The following STPG1 variants were observed in gnomAD, a reference collection of about 807,000 sequenced individuals.
The protein encoded by STPG1 is sperm tail PG-rich repeat containing 1.
STPG1 carries 33 observed loss-of-function variants against 40.1 expected under a neutral mutation model. That is an observed-to-expected ratio of 0.82 (90% CI 0.62 to 1.10). The LOEUF (loss-of-function observed/expected upper bound fraction) is 1.10, where lower values mean the gene tolerates loss of function less well. Among genes scored for constraint, STPG1 ranks in the 50% least tolerant of loss-of-function variants. The probability of loss-of-function intolerance (pLI) is 0.00; values close to 1 mark genes in which losing one functional copy is unlikely to be tolerated. For synonymous variants in STPG1, 150 were observed against 155.0 expected (o/e 0.97, Z 0.24); for missense variants, 396 against 415.1 (o/e 0.95, Z 0.40).
chr1:24,369,656 A>T lies in STPG1; in HGVS notation c.737+18T>A. On this transcript the variant is annotated intron_variant, in intron 7 of 8. Transcript: ENST00000337248. ...ACAACCACCTTTCAAAAGAAAGACC[A>T]GAATGATTGGGACTCACGGGAAAAG... is the stretch of plus-strand genomic sequence containing the variant. 2 of 1,569,992 alleles carry T rather than the reference A, an allele frequency of 1.3e-6. No individual in the cohort carries two copies. Among genetic ancestry groups the T allele is most frequent in the South Asian group, 2.3e-5 (2 of 85,570 alleles).
intron 4 of STPG1, among the ~76,000 whole-genome samples, chr1:24,381,761 C>T (rs138335884): frequency 6.6e-6 from 1 of 152,174 alleles, no homozygotes; most frequent in Non-Finnish European, 1.5e-5. Context: ...TCATTCTGAT[C>T]TTTCTCTGAT....
chr1:24,376,479 C>T (rs934681649), intron 5 of STPG1, among the ~76,000 whole-genome samples: 3 of 152,140 alleles, frequency 2.0e-5, no homozygotes, highest in Non-Finnish European at 4.4e-5. Context: ...AAAAAACATG[C>T]GCCTAAATGT....
rs1002347142 is a variant in STPG1 at position 24,361,003 on chromosome 1, G to A, written c.776C>T (p.Pro259Leu). ...TGGGAAAGGTGGCTTCGGAGGCAGA[G>A]GCGAAGGCTGAGCAGAGAAGTTCAG... ...PILNFSAQPS[P>L]LPPKPPFPGP... The change falls in exon 8 of 9, where the codon CCT becomes CTT. Residue 259 changes from proline (P) to leucine (L), a missense_variant. By Grantham distance (98) the Pro-to-Leu change is moderately conservative. Transcript: ENST00000337248. 6.2e-7 allele frequency: 1 copy of A among 1,613,252 alleles called. No individual in the cohort carries two copies. The highest frequency in any genetic ancestry group is 1.1e-5 in the South Asian group (1 of 90,810).
At chr1:24,371,082 G>A (rs1641717017) in intron 6 of STPG1, among the ~76,000 whole-genome samples, 1 of 152,150 alleles carries the variant, frequency 6.6e-6, no homozygotes, top group Non-Finnish European at 1.5e-5. Flanking sequence ...CAAAACTGGG[G>A]TGAAGAGGAA....
chr1:24,403,896 A>T (rs1029761980), intron 1 of STPG1, among the ~76,000 whole-genome samples: 3 of 152,110 alleles, frequency 2.0e-5, no homozygotes, highest in African/African-American at 7.2e-5. Flanking sequence ...ATGTGAATAA[A>T]ACATTTTATT....
chr1:24,377,888 C>G (rs1053269963), intron 5 of STPG1, among the ~76,000 whole-genome samples: 1 of 152,192 alleles, frequency 6.6e-6, no homozygotes, highest in South Asian at 2.1e-4. Context: ...CCTCTCTGAG[C>G]CTTAGCTTTC....
intron 5 of STPG1, among the ~76,000 whole-genome samples, chr1:24,375,392 ATG>A (rs1480400995): frequency 6.6e-6 from 1 of 152,152 alleles, no homozygotes; most frequent in Non-Finnish European, 1.5e-5. Flanking sequence ...GTCAAAAAAA[ATG>A]TTTCTCGAGA....
chr1:24,373,434 T>G (rs868009615), intron 6 of STPG1, among the ~76,000 whole-genome samples: 6 of 152,194 alleles, frequency 3.9e-5, no homozygotes, highest in African/African-American at 1.4e-4. Flanking sequence ...CTTCTCCACT[T>G]GGCTGCCCAG....
chr1:24,367,865 C>G lies in STPG1; in HGVS notation c.737+1809G>C, dbSNP rs118094175. 1.1e-4 allele frequency among the ~76,000 whole-genome samples: 17 copies of G among 152,232 alleles called. No individual in the cohort carries two copies. The East Asian group carries it at 2.5e-3, about 22-fold the overall frequency. On this transcript the variant is annotated intron_variant, in intron 7 of 8. Transcript: ENST00000337248. The stretch of plus-strand genomic sequence containing the variant: ...TCATCGAATCTTCATGGAATCCCTA[C>G]GAGATAAGATCCTTATCTCTACTTA...
rs1641695455 is a variant in STPG1, at chr1:24,370,668, T to C, written c.572-829A>G. Among the ~76,000 whole-genome samples, 2 of 152,064 alleles carry C rather than the reference T, an allele frequency of 1.3e-5. 1 individual carries two copies. The highest frequency in any genetic ancestry group is 4.8e-5 in the African/African-American group (2 of 41,392). Reference sequence around the variant, plus strand: ...CACCACGCCTGGCTAATTTTTTGTATTTTTAGTAGAGATGGGGTTTCACCA... The same window carrying C: ...CACCACGCCTGGCTAATTTTTTGTACTTTTAGTAGAGATGGGGTTTCACCA... On this transcript the variant is annotated intron_variant, in intron 6 of 8. Transcript: ENST00000337248.
At chr1:24,394,055 C>G (rs912684700) in intron 2 of STPG1, among the ~76,000 whole-genome samples, 1 of 152,160 alleles carries the variant, frequency 6.6e-6, no homozygotes, top group Non-Finnish European at 1.5e-5. Context: ...AACGGGGTCC[C>G]CTGAGTAAGT....
At chr1:24,384,893 G>A (rs1642438851) in intron 3 of STPG1, among the ~76,000 whole-genome samples, 1 of 152,196 alleles carries the variant, frequency 6.6e-6, no homozygotes, top group Admixed American at 6.5e-5. Flanking sequence ...GCTGCTGTAA[G>A]TGGCAGTACC....
intron 7 of STPG1, among the ~76,000 whole-genome samples, chr1:24,362,405 A>G (rs2148677556): frequency 6.6e-6 from 1 of 152,336 alleles, no homozygotes; most frequent in Non-Finnish European, 1.5e-5. Context: ...TTTAAGGGTC[A>G]CACACAAACC....
chr1:24,375,979 T>C (rs1642003019), intron 5 of STPG1, among the ~76,000 whole-genome samples: 1 of 152,188 alleles, frequency 6.6e-6, no homozygotes, highest in South Asian at 2.1e-4. Flanking sequence ...CTAATACTGG[T>C]GGAGGGACAG....
chr1:24,386,863 G>A (rs1223979690), intron 3 of STPG1, among the ~76,000 whole-genome samples: 2 of 152,186 alleles, frequency 1.3e-5, no homozygotes, highest in Non-Finnish European at 2.9e-5. Flanking sequence ...TATGGGGAGG[G>A]AGAAGGGAAG....
At chr1:24,378,993 G>A (rs543769763) in intron 5 of STPG1, among the ~76,000 whole-genome samples, 7 of 152,312 alleles carry the variant, frequency 4.6e-5, no homozygotes, top group Admixed American at 4.6e-4. Context: ...GACTGGTGCT[G>A]TCCTGGGCAT....
At chr1:24,371,741 A>C (rs770407803) in intron 6 of STPG1, among the ~76,000 whole-genome samples, 3 of 152,244 alleles carry the variant, frequency 2.0e-5, no homozygotes, top group Non-Finnish European at 4.4e-5. Context: ...CTTGAATTAC[A>C]AAATACAGAA....
chr1:24,412,833 C>T (rs1352115103), intron 1 of STPG1, among the ~76,000 whole-genome samples: 1 of 152,166 alleles, frequency 6.6e-6, no homozygotes, highest in African/African-American at 2.4e-5. Context: ...GAATATATTT[C>T]CAGCGGGAGT....
rs576797422 is a variant in STPG1 at position 24,410,091 on chromosome 1, G to A, written c.-69+3583C>T. Among the ~76,000 whole-genome samples the A allele has an allele frequency of 4.9e-4, 75 of 152,304 alleles. 1 individual carries two copies. The South Asian group carries it at 0.014, about 29-fold the overall frequency. On this transcript the variant is annotated intron_variant, in intron 1 of 8. Coordinates refer to ENST00000337248, the MANE Select transcript of STPG1 (RefSeq NM_001199013.2). ...AAGCTGTTGCCACAGAGCATGATAA[G>A]TGCTTAGTTAAGATGGAAAAAGCAT...
Sources: allele counts gnomAD v4.1 joint callset (sites outside exome capture counted in the v4.1 genomes callset), GRCh38; gene constraint gnomAD v4.1.1; transcripts MANE v1.5; gene names NCBI Gene and HGNC (gene_info 2026-07-23, HGNC 2026-07-21).